NFIA: variants seen among roughly 807,000 people sequenced by gnomAD.
NFIA encodes the protein nuclear factor I A.
A neutral mutation model predicts 62.8 loss-of-function variants in NFIA; 8 were observed. That is an observed-to-expected ratio of 0.13 (90% CI 0.07 to 0.23). NFIA has a LOEUF of 0.23. NFIA is among the 10% of genes least tolerant of loss of function. NFIA has a pLI of 1.00. For synonymous variants in NFIA, 235 were observed against 238.1 expected (o/e 0.99, Z 0.12); for missense variants, 410 against 642.1 (o/e 0.64, Z 3.91).
At chr1:61,376,683 T>C (rs967331603) in intron 6 of NFIA, among the ~76,000 whole-genome samples, 1 of 152,138 alleles carries the variant, frequency 6.6e-6, no homozygotes, top group Non-Finnish European at 1.5e-5. Flanking sequence ...ATTTAAAACT[T>C]CAGCTATAAA....
At chr1:61,117,573 T>G (rs1029350459) in intron 2 of NFIA, among the ~76,000 whole-genome samples, 1 of 152,204 alleles carries the variant, frequency 6.6e-6, no homozygotes, top group African/African-American at 2.4e-5. Context: ...ATAGGCATAG[T>G]TTTTATATTA....
At chr1:61,327,655 G>A (rs964746772) in intron 3 of NFIA, among the ~76,000 whole-genome samples, 6 of 151,646 alleles carry the variant, frequency 4.0e-5, no homozygotes, top group East Asian at 3.9e-4. Context: ...TTCTTTATCC[G>A]CTCCTTGGCC....
chr1:61,263,276 T>G (rs1656883342), intron 2 of NFIA, among the ~76,000 whole-genome samples: 1 of 152,198 alleles, frequency 6.6e-6, no homozygotes, highest in Non-Finnish European at 1.5e-5. Flanking sequence ...TTTAAGGCTG[T>G]AAATCTGCAA....
intron 2 of NFIA, among the ~76,000 whole-genome samples, chr1:61,161,391 C>G (rs1023380322): frequency 8.5e-5 from 13 of 152,168 alleles, no homozygotes; most frequent in African/African-American, 2.7e-4. Context: ...CTGTTCTAGA[C>G]ACAAGTCTGA....
At chr1:61,391,802 C>T (rs963413154) in intron 7 of NFIA, among the ~76,000 whole-genome samples, 3 of 152,174 alleles carry the variant, frequency 2.0e-5, no homozygotes, top group Admixed American at 6.5e-5. Context: ...ACTTCTTTGC[C>T]TCTTAGGAAA....
intron 9 of NFIA, among the ~76,000 whole-genome samples, chr1:61,412,241 T>C (rs971517802): frequency 3.3e-5 from 5 of 152,184 alleles, no homozygotes; most frequent in Non-Finnish European, 1.5e-5. Flanking sequence ...TGGTGGAGAT[T>C]ACATTTTAGT....
chr1:61,294,031 G>A (rs1179839399), intron 3 of NFIA, among the ~76,000 whole-genome samples: 1 of 152,238 alleles, frequency 6.6e-6, no homozygotes, highest in African/African-American at 2.4e-5. Context: ...CCTGAGGGAT[G>A]CAGTGAAAAA....
At chr1:61,191,454 G>GT (rs374192864) in intron 2 of NFIA, among the ~76,000 whole-genome samples, 104 of 150,254 alleles carry the variant, frequency 6.9e-4, no homozygotes, top group East Asian at 2.2e-3. Context: ...CTCTAGCCTG[G>GT]TTTTTTTTTG....
rs774297484 is a variant in NFIA at position 61,306,269 on chromosome 1, C to CTTTTTTTTTTTTTTTTTTTTTT, written c.626-26239_626-26218dup. Among the ~76,000 whole-genome samples the CTTTTTTTTTTTTTTTTTTTTTT allele has an allele frequency of 6.6e-5, 4 of 60,626 alleles. 1 individual carries two copies. Among genetic ancestry groups the CTTTTTTTTTTTTTTTTTTTTTT allele is most frequent in the South Asian group, 7.7e-4 (1 of 1,294 alleles). The allele number at this position is 60,626 out of a possible 152,430, so 39.8% of individuals were successfully genotyped here. A position where few individuals can be genotyped will look rare whatever the true frequency, so the allele number is the denominator to read the frequency against. On this transcript the variant is annotated intron_variant, in intron 3 of 10. Transcript: ENST00000403491. Reference sequence around the variant, plus strand: ...TCATCCTGGAGACCCAGATTTTGTTCTTTTTTTTTTTTTTTTTTTTTTTTT... The same window carrying CTTTTTTTTTTTTTTTTTTTTTT: ...TCATCCTGGAGACCCAGATTTTGTTCTTTTTTTTTTTTTTTTTTTTTTTTTTTTTTTTTTTTTTTTTTTTTTT...
intron 3 of NFIA, among the ~76,000 whole-genome samples, chr1:61,318,989 A>T (rs767118249): frequency 6.6e-6 from 1 of 152,212 alleles, no homozygotes; most frequent in Non-Finnish European, 1.5e-5. Flanking sequence ...GTCATAACCC[A>T]GTGCCCTTTC....
At chr1:61,097,154 TG>T (rs1646430696) in intron 2 of NFIA, among the ~76,000 whole-genome samples, 1 of 152,152 alleles carries the variant, frequency 6.6e-6, no homozygotes, top group African/African-American at 2.4e-5. Context: ...GTGATTAAAT[TG>T]GTTAAAAAAA....
At chr1:61,091,849 GT>G (rs549619372) in intron 2 of NFIA, among the ~76,000 whole-genome samples, 289 of 141,902 alleles carry the variant, frequency 2.0e-3, no homozygotes, top group South Asian at 4.7e-3. Context: ...GAGAGTTGTT[GT>G]TTTTTTTTTT....
chr1:61,326,973 G>A (rs1403943027), intron 3 of NFIA, among the ~76,000 whole-genome samples: 1 of 151,404 alleles, frequency 6.6e-6, no homozygotes, highest in East Asian at 1.9e-4. Flanking sequence ...AAAGGAGTTA[G>A]TACTGTACTC....
intron 3 of NFIA, among the ~76,000 whole-genome samples, chr1:61,306,629 T>G (rs6674969): frequency 6.6e-6 from 1 of 152,054 alleles, no homozygotes; most frequent in Non-Finnish European, 1.5e-5. Flanking sequence ...CTTTCTCTTG[T>G]TCACCCACTT....
intron 2 of NFIA, among the ~76,000 whole-genome samples, chr1:61,272,219 T>G (rs1223939157): frequency 1.3e-5 from 2 of 152,238 alleles, no homozygotes; most frequent in Non-Finnish European, 2.9e-5. Context: ...ATGTTTACCC[T>G]TAAGCTACAA....
chr1:61,437,760 A>AC (rs1667396043), intron 10 of NFIA, among the ~76,000 whole-genome samples: 2 of 152,160 alleles, frequency 1.3e-5, no homozygotes, highest in African/African-American at 4.8e-5. Context: ...TTTGAAGGAG[A>AC]CAGATATACT....
At chr1:61,097,993 C>G (rs935578437) in intron 2 of NFIA, among the ~76,000 whole-genome samples, 1 of 152,160 alleles carries the variant, frequency 6.6e-6, no homozygotes, top group African/African-American at 2.4e-5. Flanking sequence ...GAGATGACAT[C>G]AAGCCCTTCT....
intron 2 of NFIA, among the ~76,000 whole-genome samples, chr1:61,102,606 C>T (rs1557566196): frequency 6.6e-6 from 1 of 152,006 alleles, no homozygotes; most frequent in Admixed American, 6.6e-5. Flanking sequence ...ATGAATAAAA[C>T]TGAACACATT....
At chr1:61,315,146 A>G (rs1660305538) in intron 3 of NFIA, among the ~76,000 whole-genome samples, 1 of 152,226 alleles carries the variant, frequency 6.6e-6, no homozygotes, top group African/African-American at 2.4e-5. Flanking sequence ...GATTTACTGT[A>G]TAAGAGAGCA....
Sources: allele counts gnomAD v4.1 joint callset (sites outside exome capture counted in the v4.1 genomes callset), GRCh38; gene constraint gnomAD v4.1.1; transcripts MANE v1.5; gene names NCBI Gene and HGNC (gene_info 2026-07-23, HGNC 2026-07-21).